Variants in ARHGEF4 observed in about 807,000 individuals in gnomAD.
The protein encoded by ARHGEF4 is APC-stimulated guanine nucleotide exchange factor 1.
Under a neutral mutation model 162.0 loss-of-function variants are expected in ARHGEF4, and 119 were observed. The ratio of observed to expected loss-of-function variants is 0.73; its 90% CI spans 0.63 to 0.86. ARHGEF4 has a LOEUF of 0.86. Ranked by LOEUF, ARHGEF4 falls within the 40% of genes least tolerant of loss-of-function variation. ARHGEF4 has a pLI of 0.00. For missense variants in ARHGEF4, 2,488 were observed against 2,456.0 expected (o/e 1.01, Z -0.28); for synonymous variants, 1,014 against 979.9 (o/e 1.03, Z -0.65).
intron 1 of ARHGEF4, among the ~76,000 whole-genome samples, chr2:130,857,188 C>T (rs1477949505): frequency 6.6e-6 from 1 of 151,838 alleles, no homozygotes; most frequent in East Asian, 1.9e-4. Context: ...GCCGAGATCG[C>T]GTCACTGCAC....
chr2:130,841,576 T>C (rs968456156), intron 1 of ARHGEF4, among the ~76,000 whole-genome samples: 1 of 152,080 alleles, frequency 6.6e-6, no homozygotes, highest in African/African-American at 2.4e-5. Flanking sequence ...GCCTCACCGT[T>C]CTCATCTGTA....
At position 130,932,157 on chromosome 2, in the gene ARHGEF4, C is replaced by T. The variant is rs570159088; in HGVS notation, c.3858+900C>T. ...TTCATATAAATGTAATTACATGATA[C>T]GTGACCTTTTGTGACTGGCGTTTTT... is the stretch of plus-strand genomic sequence containing the variant. On this transcript the variant is annotated intron_variant, in intron 3 of 13. Transcript: ENST00000409359. Among the ~76,000 whole-genome samples the T allele has an allele frequency of 1.3e-4, 20 of 152,296 alleles. No individual in the cohort carries two copies. The East Asian group carries it at 3.1e-3, about 23-fold the overall frequency.
intron 1 of ARHGEF4, chr2:130,837,336 T>A: frequency 3.0e-6 from 1 of 337,402 alleles, no homozygotes; most frequent in Non-Finnish European, 5.4e-6. Context: ...AGCCGCTGCC[T>A]GGACCGGCCT....
At chr2:130,929,172 CA>C (rs1205325325) in intron 2 of ARHGEF4, among the ~76,000 whole-genome samples, 1 of 152,170 alleles carries the variant, frequency 6.6e-6, no homozygotes, top group Non-Finnish European at 1.5e-5. Flanking sequence ...TTCTGATCCA[CA>C]AGGTACTTGG....
chr2:130,964,674 G>T (rs1038238895), intron 4 of ARHGEF4, among the ~76,000 whole-genome samples: 1 of 152,258 alleles, frequency 6.6e-6, no homozygotes, highest in Non-Finnish European at 1.5e-5. Flanking sequence ...ATGGAAGGGG[G>T]CCGCTGGCCG....
chr2:130,955,022 T>C (rs1288151804), intron 4 of ARHGEF4, among the ~76,000 whole-genome samples: 1 of 152,184 alleles, frequency 6.6e-6, no homozygotes, highest in African/African-American at 2.4e-5. Context: ...TTGATCTATC[T>C]TCAAGTTTGC....
In ARHGEF4 at chr2:130,916,818, A is replaced by C; in HGVS notation, c.2872A>C (p.Ser958Arg). The part of the protein sequence containing the change: ...RQGSWRAFLK[S>R]KDAGSPKKPT... Reference sequence around the variant, plus strand: ...GGGTTCCTGGCGGGCGTTTCTGAAAAGCAAAGATGCCGGAAGCCCCAAAAA... The same window carrying C: ...GGGTTCCTGGCGGGCGTTTCTGAAACGCAAAGATGCCGGAAGCCCCAAAAA... The change falls in exon 2 of 14, where the codon AGC becomes CGC. Residue 958 changes from serine (S) to arginine (R), a missense_variant. Ser to Arg is a moderately radical substitution (Grantham distance 110). This residue lies in a region of ARHGEF4 where 1,642 missense variants were observed against 1,481.5 expected (regional missense o/e 1.11). Transcript: ENST00000409359. 1 of 1,550,462 alleles carries C rather than the reference A, an allele frequency of 6.4e-7. No homozygotes were observed. The highest frequency in any genetic ancestry group is 8.7e-7 in the Non-Finnish European group (1 of 1,146,998).
rs377090803 is a variant in ARHGEF4 at position 130,853,164 on chromosome 2, A to G, written c.39+16172A>G. On this transcript the variant is annotated intron_variant, in intron 1 of 13. Coordinates refer to ENST00000409359, the MANE Select transcript of ARHGEF4 (RefSeq NM_001367493.1). ...CCCCGGAATCCCCACACCTATCCCA[A>G]GGCCCAACTTGGGGTCTGCCAGAGG... Among the ~76,000 whole-genome samples, 35 of 152,276 alleles carry G rather than the reference A, an allele frequency of 2.3e-4. No homozygotes were observed. The East Asian group carries it at 2.7e-3, about 12-fold the overall frequency.
rs141792803 is a variant in ARHGEF4, at chr2:130,973,531, C to G, written c.3985+26896C>G. Among the ~76,000 whole-genome samples the G allele has an allele frequency of 2.6e-5, 4 of 152,286 alleles. No individual in the cohort carries two copies. In the East Asian group the frequency reaches 7.7e-4, roughly 29 times the overall value. ...AATAAAATAAATGAAATTATGACTG[C>G]TGGCCCCATACTAGCACTTCTTGCA... On this transcript the variant is annotated intron_variant, in intron 4 of 13. Coordinates refer to ENST00000409359, the MANE Select transcript of ARHGEF4 (RefSeq NM_001367493.1).
Position 131,043,615 on chromosome 2 carries a change from G to C in ARHGEF4, c.5157+32G>C, listed in dbSNP as rs755242029. On this transcript the variant is annotated intron_variant, in intron 11 of 13. Coordinates refer to ENST00000409359, the MANE Select transcript of ARHGEF4 (RefSeq NM_001367493.1). ...GAGCTGCTCTGCCCTGCTGCCCCAA[G>C]TTGAGCAAGTGGAGGGAGGGGAGCT... 8.1e-6 allele frequency: 13 copies of C among 1,612,912 alleles called. No individual in the cohort carries two copies. The African/African-American group carries it at 1.7e-4, about 22-fold the overall frequency.
chr2:130,864,181 C>CAAAG (rs545281360), intron 1 of ARHGEF4, among the ~76,000 whole-genome samples: 181 of 136,428 alleles, frequency 1.3e-3, no homozygotes, highest in African/African-American at 4.2e-3. Context: ...GACTCTGTCT[C>CAAAG]AAAGAAAGAA....
chr2:130,982,344 T>C (rs776928704), intron 4 of ARHGEF4, among the ~76,000 whole-genome samples: 4 of 152,216 alleles, frequency 2.6e-5, no homozygotes, highest in Non-Finnish European at 5.9e-5. Flanking sequence ...GCTTTAACTA[T>C]GAAAATGTTA....
chr2:130,894,891 G>C (rs1005105393), intron 1 of ARHGEF4, among the ~76,000 whole-genome samples: 2 of 151,924 alleles, frequency 1.3e-5, no homozygotes, highest in African/African-American at 2.4e-5. Context: ...CTCCTCTCCT[G>C]GTTATCTTAT....
At chr2:131,035,169 G>A (rs1690155697) in intron 5 of ARHGEF4, 6 of 1,219,500 alleles carry the variant, frequency 4.9e-6, no homozygotes, top group Middle Eastern at 3.2e-4. Flanking sequence ...GCTGCAACCT[G>A]CCCCCCGGCG....
intron 2 of ARHGEF4, among the ~76,000 whole-genome samples, chr2:130,925,079 T>TGTGTGTGC (rs1353241103): frequency 7.6e-6 from 1 of 132,292 alleles, no homozygotes; most frequent in Non-Finnish European, 1.6e-5. Flanking sequence ...TGTGTGTGTG[T>TGTGTGTGC]GCGTCTGAGA....
intron 1 of ARHGEF4, among the ~76,000 whole-genome samples, chr2:130,909,521 G>A (rs948346110): frequency 2.0e-5 from 3 of 152,158 alleles, no homozygotes; most frequent in African/African-American, 7.2e-5. Flanking sequence ...GAGGAGTGAG[G>A]AGAGGCAGAA....
At chr2:130,893,606 G>T (rs1343496970) in intron 1 of ARHGEF4, among the ~76,000 whole-genome samples, 1 of 152,208 alleles carries the variant, frequency 6.6e-6, no homozygotes, top group Non-Finnish European at 1.5e-5. Context: ...GCTGCTCCGT[G>T]TGCCTCAGTC....
At chr2:130,968,899 C>T (rs990239806) in intron 4 of ARHGEF4, among the ~76,000 whole-genome samples, 2 of 152,096 alleles carry the variant, frequency 1.3e-5, no homozygotes, top group African/African-American at 4.8e-5. Flanking sequence ...GCCTGGGCAA[C>T]AGAGCAAGTC....
At chr2:130,956,662 C>T (rs1317263226) in intron 4 of ARHGEF4, among the ~76,000 whole-genome samples, 1 of 151,788 alleles carries the variant, frequency 6.6e-6, no homozygotes, top group African/African-American at 2.4e-5. Flanking sequence ...GAGTTCATGT[C>T]CTTTGTAGGG....
Sources: allele counts gnomAD v4.1 joint callset (sites outside exome capture counted in the v4.1 genomes callset), GRCh38; gene constraint gnomAD v4.1.1; regional missense constraint gnomAD v4.1.1; transcripts MANE v1.5; gene names NCBI Gene and HGNC (gene_info 2026-07-23, HGNC 2026-07-21).